The following ABHD6 variants were observed in gnomAD, a reference collection of about 807,000 sequenced individuals.
The protein encoded by ABHD6 is monoacylglycerol lipase ABHD6.
ABHD6 carries 33 observed loss-of-function variants against 38.8 expected under a neutral mutation model. That is an observed-to-expected ratio of 0.85 (90% confidence interval 0.64 to 1.14). The LOEUF (loss-of-function observed/expected upper bound fraction) is 1.14. Ranked by LOEUF, ABHD6 falls within the 50% of genes most tolerant of loss-of-function variation. The pLI, the probability that ABHD6 is intolerant of heterozygous loss-of-function variation, is 0.00. For missense variants in ABHD6, 380 were observed against 422.6 expected (o/e 0.90, Z 0.88); for synonymous variants, 147 against 161.6 (o/e 0.91, Z 0.69).
chr3:58,282,578 T>A (rs546254467), intron 7 of ABHD6, among the ~76,000 whole-genome samples: 389 of 151,744 alleles, frequency 2.6e-3, no homozygotes, highest in Admixed American at 4.1e-3. Context: ...CAAAAAAAAA[T>A]TTTTTTAATT....
rs532166133 is a variant in ABHD6, at chr3:58,286,557, T to G, written c.837+1104T>G. ...AGTCTCTGTCACACCTGGACACAGT[T>G]GAGTAACTGTGACCTTATAGTATAA... On this transcript the variant is annotated intron_variant, in intron 9 of 9. Transcript: ENST00000478253. Among the ~76,000 whole-genome samples the G allele has an allele frequency of 2.9e-4, 44 of 152,160 alleles. No individual in the cohort carries two copies. In the East Asian group the frequency reaches 8.0e-3, roughly 28 times the overall value.
intron 1 of ABHD6, among the ~76,000 whole-genome samples, chr3:58,241,465 G>A (rs1229569488): frequency 6.6e-6 from 1 of 152,180 alleles, no homozygotes; most frequent in African/African-American, 2.4e-5. Flanking sequence ...CACTCAGGAG[G>A]TGTGGGCAGA....
chr3:58,269,192 G>A lies in ABHD6; in HGVS notation c.277-129G>A. 1 of 634,246 alleles carries A rather than the reference G, an allele frequency of 1.6e-6. No individual in the cohort carries two copies. Among genetic ancestry groups the A allele is most frequent in the East Asian group, 2.8e-5 (1 of 35,194 alleles). The allele number at this position is 634,246 out of a possible 1,614,324, so 39.3% of individuals were successfully genotyped here. On this transcript the variant is annotated intron_variant, in intron 4 of 9. Transcript: ENST00000478253. The surrounding 1 kb of genome is among the most constrained non-coding windows in gnomAD (Gnocchi z 4.4). ...TATTCAATTACTGGGGTAAAACACTGAGTGGCCAAGACCCATACATCCCCA... is the reference window on the plus strand; with the variant it reads ...TATTCAATTACTGGGGTAAAACACTAAGTGGCCAAGACCCATACATCCCCA...
At position 58,285,469 on chromosome 3, in the gene ABHD6, C is replaced by A; in HGVS notation, c.837+16C>A. On this transcript the variant is annotated intron_variant, in intron 9 of 9. Transcript: ENST00000478253. The surrounding 1 kb of genome is among the most constrained non-coding windows in gnomAD (Gnocchi z 4.9). ...ACAAGACCAGGTATGTAACACATCCCCGCGGCAGTCTGTGCTGGTCACCAG... is the reference window on the plus strand; with the variant it reads ...ACAAGACCAGGTATGTAACACATCCACGCGGCAGTCTGTGCTGGTCACCAG... 6.2e-7 allele frequency: 1 copy of A among 1,606,620 alleles called. No individual in the cohort carries two copies. Among genetic ancestry groups the A allele is most frequent in the Non-Finnish European group, 8.5e-7 (1 of 1,173,252 alleles).
rs1277537824 is a variant in ABHD6 at position 58,260,679 on chromosome 3, G to A, written c.119+3974G>A. On this transcript the variant is annotated intron_variant, in intron 3 of 9. Transcript: ENST00000478253. ...TGATGACCACCAGTGGGTTCACCTCGCAGACCTAGGTGGGTCAGGTTAATT... is the reference window on the plus strand; with the variant it reads ...TGATGACCACCAGTGGGTTCACCTCACAGACCTAGGTGGGTCAGGTTAATT... 2.0e-5 allele frequency among the ~76,000 whole-genome samples: 3 copies of A among 152,310 alleles called. No individual in the cohort carries two copies. In the East Asian group the frequency reaches 5.8e-4, roughly 29 times the overall value.
chr3:58,293,440 GC>G lies in ABHD6; in HGVS notation c.838-145del. The G allele has an allele frequency of 1.3e-6, 1 of 742,636 alleles. No individual in the cohort carries two copies. The highest frequency in any genetic ancestry group is 2.0e-5 in the South Asian group (1 of 51,162). 46.0% of individuals were successfully genotyped at this position (742,636 alleles called of 1,614,324 possible). A position where few individuals can be genotyped will look rare whatever the true frequency, so the allele number is the denominator to read the frequency against. On this transcript the variant is annotated intron_variant, in intron 9 of 9. Transcript: ENST00000478253. This position sits in a 1 kb window ranked among gnomAD's most constrained non-coding sequence, Gnocchi z 4.4. ...GTTACTTCCATTCAGACAGCCACAAGCCCCAACACCAAAGGGACTTGGTCCT... is the reference window on the plus strand; with the variant it reads ...GTTACTTCCATTCAGACAGCCACAAGCCCAACACCAAAGGGACTTGGTCCT...
intron 1 of ABHD6, among the ~76,000 whole-genome samples, chr3:58,242,124 T>A (rs1412153777): frequency 6.6e-6 from 1 of 151,954 alleles, no homozygotes; most frequent in Non-Finnish European, 1.5e-5. Flanking sequence ...GAGGAGCAGG[T>A]GTGTCAAAGT....
Position 58,269,212 on chromosome 3 carries a change from T to TA in ABHD6, c.277-109_277-108insA, listed in dbSNP as rs2097443057. On this transcript the variant is annotated intron_variant, in intron 4 of 9. Transcript: ENST00000478253. This position sits in a 1 kb window ranked among gnomAD's most constrained non-coding sequence, Gnocchi z 4.4. ...ACACTGAGTGGCCAAGACCCATACATCCCCAGGGATGGCTGTCTGGGTCAC... is the reference window on the plus strand; with the variant it reads ...ACACTGAGTGGCCAAGACCCATACATACCCCAGGGATGGCTGTCTGGGTCAC... The TA allele has an allele frequency of 2.5e-5, 18 of 720,870 alleles. 2 individuals carry two copies. The South Asian group carries it at 2.8e-4, about 11-fold the overall frequency. 44.7% of individuals were successfully genotyped at this position (720,870 alleles called of 1,614,324 possible).
intron 9 of ABHD6, among the ~76,000 whole-genome samples, chr3:58,290,233 T>A (rs1474873413): frequency 2.9e-5 from 3 of 103,082 alleles, no homozygotes; most frequent in Non-Finnish European, 5.8e-5. Context: ...CACTTCCCAG[T>A]AGGGGCGGCT....
rs947158381 is a variant in ABHD6 at position 58,267,686 on chromosome 3, GGAA to G, written c.276+351_276+353del. ...CTCAAAAAAAATAAAAATAAAAAAA[GGAA>G]GAAGAAGAAAAGGGTTTCCACTAGG... is the stretch of plus-strand genomic sequence containing the variant. On this transcript the variant is annotated intron_variant, in intron 4 of 9. Coordinates refer to ENST00000478253, the MANE Select transcript of ABHD6 (RefSeq NM_001320126.2). The surrounding 1 kb of genome is among the most constrained non-coding windows in gnomAD (Gnocchi z 4.3). Among the ~76,000 whole-genome samples, 109 of 151,982 alleles carry G rather than the reference GGAA, an allele frequency of 7.2e-4. No individual in the cohort carries two copies. Among genetic ancestry groups the G allele is most frequent in the African/African-American group, 2.4e-3 (100 of 41,450 alleles).
rs2097441883 is a variant in ABHD6, at chr3:58,267,431, G to A, written c.276+86G>A. ...TATAATCCCAGCACTTTGGGAGCCT[G>A]AGGCAGGAGGATTGCTTGAGTCCAG... On this transcript the variant is annotated intron_variant, in intron 4 of 9. Coordinates refer to ENST00000478253, the MANE Select transcript of ABHD6 (RefSeq NM_001320126.2). The surrounding 1 kb of genome is among the most constrained non-coding windows in gnomAD (Gnocchi z 4.3). 16 of 1,519,786 alleles carry A rather than the reference G, an allele frequency of 1.1e-5. No homozygotes were observed. The highest frequency in any genetic ancestry group is 1.4e-5 in the Non-Finnish European group (16 of 1,110,588). The allele number at this position is 1,519,786 out of a possible 1,614,324, so 94.1% of individuals were successfully genotyped here.
rs771022941 is a variant in ABHD6, at chr3:58,293,735, C to G, written c.984C>G (p.His328Gln). 12 of 1,614,058 alleles carry G rather than the reference C, an allele frequency of 7.4e-6. No individual in the cohort carries two copies. ...KLIIDFLASV[H>Q]NTDNNKKLD Reference sequence around the variant, plus strand: ...TAATCGACTTTTTAGCTTCTGTGCACAACACAGACAACAACAAGAAGCTGG... The same window carrying G: ...TAATCGACTTTTTAGCTTCTGTGCAGAACACAGACAACAACAAGAAGCTGG... Residue 328 changes from histidine to glutamine, a missense_variant, in exon 10 of 10, where the codon CAC (histidine) becomes CAG (glutamine). By Grantham distance (24) the His-to-Gln change is conservative (BLOSUM62 0). Transcript: ENST00000478253. The surrounding 1 kb of genome is among the most constrained non-coding windows in gnomAD (Gnocchi z 4.4).
At chr3:58,248,305 A>G (rs9850396) in intron 1 of ABHD6, among the ~76,000 whole-genome samples, 5,856 of 152,310 alleles carry the variant, frequency 0.038, 354 homozygotes, top group African/African-American at 0.13. Context: ...GTAAGCGTGT[A>G]AATTATTTCC....
rs1452241964 is a variant in ABHD6, at chr3:58,290,364, C to T, written c.838-3225C>T. 6.4e-5 allele frequency among the ~76,000 whole-genome samples: 9 copies of T among 139,566 alleles called. 1 individual carries two copies. Among genetic ancestry groups the T allele is most frequent in the Non-Finnish European group, 1.1e-4 (7 of 64,166 alleles). 91.6% of individuals were successfully genotyped at this position (139,566 alleles called of 152,430 possible). The stretch of plus-strand genomic sequence containing the variant: ...GGGGGCTGACCCCCCACCTTCCTCC[C>T]GGATGGAGCGGCTGGCCGGGCAGAG... On this transcript the variant is annotated intron_variant, in intron 9 of 9. Coordinates refer to ENST00000478253, the MANE Select transcript of ABHD6 (RefSeq NM_001320126.2).
intron 1 of ABHD6, among the ~76,000 whole-genome samples, chr3:58,239,315 G>T (rs1342427191): frequency 6.6e-6 from 1 of 152,100 alleles, no homozygotes; most frequent in African/African-American, 2.4e-5. Context: ...AAGGGTAGTG[G>T]CAATATTTAG....
chr3:58,286,846 G>GTATATATA (rs57921434), intron 9 of ABHD6, among the ~76,000 whole-genome samples: 4 of 90,224 alleles, frequency 4.4e-5, no homozygotes, highest in African/African-American at 1.3e-4. Context: ...GTGTGTGTGT[G>GTATATATA]TGTGTGTATA....
At position 58,269,460 on chromosome 3, in the gene ABHD6, T is replaced by A. The variant is rs1488033687; in HGVS notation, c.390+26T>A. ...GTAAGCAGGAGGCTCTACCAAAGAT[T>A]GCCCAGACTGTCTCAGCCACCATTA... On this transcript the variant is annotated intron_variant, in intron 5 of 9. Coordinates refer to ENST00000478253, the MANE Select transcript of ABHD6 (RefSeq NM_001320126.2). This position sits in a 1 kb window ranked among gnomAD's most constrained non-coding sequence, Gnocchi z 4.4. The A allele has an allele frequency of 6.4e-7, 1 of 1,563,308 alleles. No homozygotes were observed. The highest frequency in any genetic ancestry group is 1.7e-4 in the Middle Eastern group (1 of 5,912).
chr3:58,239,970 T>C (rs534469783), intron 1 of ABHD6, among the ~76,000 whole-genome samples: 144 of 145,630 alleles, frequency 9.9e-4, no homozygotes, highest in Non-Finnish European at 1.9e-3. Flanking sequence ...GGCAACATGG[T>C]GAAACCCCAT....
chr3:58,293,856 A>C lies in ABHD6; in HGVS notation c.*91A>C. Reference sequence around the variant, plus strand: ...ACCACTCTCAGGGATCCTGCCCCAAATGCGGTCGGAGCGCCAGTGACCCTG... The same window carrying C: ...ACCACTCTCAGGGATCCTGCCCCAACTGCGGTCGGAGCGCCAGTGACCCTG... On this transcript the variant is annotated 3_prime_UTR_variant, in exon 10 of 10. Transcript: ENST00000478253. This position sits in a 1 kb window ranked among gnomAD's most constrained non-coding sequence, Gnocchi z 4.4. 6.9e-7 allele frequency: 1 copy of C among 1,455,316 alleles called. No individual in the cohort carries two copies. The highest frequency in any genetic ancestry group is 9.3e-7 in the Non-Finnish European group (1 of 1,075,994). 90.2% of individuals were successfully genotyped at this position (1,455,316 alleles called of 1,614,324 possible).
Sources: allele counts gnomAD v4.1 joint callset (sites outside exome capture counted in the v4.1 genomes callset), GRCh38; gene constraint gnomAD v4.1.1; non-coding constraint Gnocchi (gnomAD v3.1); transcripts MANE v1.5; gene names NCBI Gene and HGNC (gene_info 2026-07-23, HGNC 2026-07-21).